STK33: variants seen among roughly 807,000 people sequenced by gnomAD.
STK33 encodes serine/threonine kinase 33, also known as serine/threonine-protein kinase 33.
Under a neutral mutation model 58.0 loss-of-function variants are expected in STK33, and 52 were observed. The ratio of observed to expected loss-of-function variants is 0.90; its 90% confidence interval spans 0.72 to 1.13. STK33 has a LOEUF of 1.13. STK33 is among the 50% of genes most tolerant of loss of function. The probability of loss-of-function intolerance (pLI) is 0.00; values close to 1 mark genes in which losing one functional copy is unlikely to be tolerated. For missense variants in STK33, 630 were observed against 604.2 expected (o/e 1.04, Z -0.45); for synonymous variants, 215 against 200.1 (o/e 1.07, Z -0.63).
chr11:8,352,490 G>C, the STK33 span, among the ~76,000 whole-genome samples: 1 of 152,272 alleles, frequency 6.6e-6, no homozygotes, highest in Non-Finnish European at 1.5e-5. Context: ...GAGAGACCAG[G>C]TGCTCCAGGG....
chr11:8,354,516 A>ACC, the STK33 span, among the ~76,000 whole-genome samples: 3 of 127,768 alleles, frequency 2.3e-5, no homozygotes, highest in South Asian at 2.6e-4. Context: ...ACACACACAC[A>ACC]CCCCTCAGAC....
the STK33 span, among the ~76,000 whole-genome samples, chr11:8,349,117 G>A: frequency 4.6e-5 from 7 of 152,204 alleles, no homozygotes; most frequent in African/African-American, 9.6e-5. Context: ...CTGATCCCAC[G>A]GGTCATTTCC....
intron 14 of STK33, among the ~76,000 whole-genome samples, chr11:8,430,132 A>G (rs1179188487): frequency 6.6e-6 from 1 of 152,160 alleles, no homozygotes; most frequent in Non-Finnish European, 1.5e-5. Context: ...TCTAGAACAA[A>G]ATAGCTCTAA....
chr11:8,442,030 TACAC>T (rs55646106), intron 11 of STK33, among the ~76,000 whole-genome samples: 20,557 of 143,260 alleles, frequency 0.14, 1,635 homozygotes, highest in African/African-American at 0.23. Flanking sequence ...TACCTACACC[TACAC>T]ACACACACAC....
At chr11:8,522,039 T>C (rs1022858287) in intron 1 of STK33, among the ~76,000 whole-genome samples, 1 of 152,192 alleles carries the variant, frequency 6.6e-6, no homozygotes, top group African/African-American at 2.4e-5. Context: ...GACTGCACAC[T>C]AGCTCAACCA....
rs753337260 is a variant in STK33 at position 8,562,738 on chromosome 11, T to C, written c.-466+31345A>G. Among the ~76,000 whole-genome samples, 56 of 152,178 alleles carry C rather than the reference T, an allele frequency of 3.7e-4. 2 individuals carry two copies. The highest frequency in any genetic ancestry group is 1.5e-4 in the Non-Finnish European group (10 of 68,032). On this transcript the variant is annotated intron_variant, in intron 1 of 15. Transcript: ENST00000687296. ...CATTCTTAGAAGTAATAGTTACTAT[T>C]ACAATTCTACTTTGGAAAACTTAAA...
chr11:8,569,406 A>T (rs116562215), intron 1 of STK33, among the ~76,000 whole-genome samples: 1,870 of 152,342 alleles, frequency 0.012, 39 homozygotes, highest in African/African-American at 0.043. Flanking sequence ...CTGTATATCC[A>T]TAAGGGAAAA....
intron 1 of STK33, among the ~76,000 whole-genome samples, chr11:8,571,106 A>T (rs1269570642): frequency 6.6e-6 from 1 of 152,190 alleles, no homozygotes. Context: ...ACATAGAAGC[A>T]GTTTCCAGAA....
At chr11:8,554,159 C>T (rs918775434) in intron 1 of STK33, among the ~76,000 whole-genome samples, 2 of 152,098 alleles carry the variant, frequency 1.3e-5, no homozygotes, top group African/African-American at 2.4e-5. Context: ...GTGGCTCACA[C>T]CTGTAATCCC....
chr11:8,385,015 G>T, the STK33 span, among the ~76,000 whole-genome samples: 1 of 152,170 alleles, frequency 6.6e-6, no homozygotes, highest in Non-Finnish European at 1.5e-5. Flanking sequence ...CCCAGGCCTG[G>T]CCTTCCCCAG....
chr11:8,396,960 C>A (rs1442010497), intron 15 of STK33, among the ~76,000 whole-genome samples: 4 of 152,202 alleles, frequency 2.6e-5, no homozygotes, highest in Non-Finnish European at 5.9e-5. Flanking sequence ...AACAAAGTGG[C>A]CAGGAAGCTC....
chr11:8,397,319 T>C (rs986570691), intron 15 of STK33, among the ~76,000 whole-genome samples: 2 of 152,240 alleles, frequency 1.3e-5, no homozygotes, highest in Non-Finnish European at 2.9e-5. Context: ...TCCGCTGTTC[T>C]GCAGCCTCCG....
intron 15 of STK33, among the ~76,000 whole-genome samples, chr11:8,395,535 T>C (rs1849184775): frequency 6.6e-6 from 1 of 152,246 alleles, no homozygotes; most frequent in Admixed American, 6.5e-5. Context: ...TTCTTCCTGC[T>C]TTTTATACAA....
At chr11:8,336,255 G>A in the STK33 span, among the ~76,000 whole-genome samples, 21,231 of 152,290 alleles carry the variant, frequency 0.14, 2,047 homozygotes, top group African/African-American at 0.26. Context: ...TGGAGACAAC[G>A]ACAGCACCTG....
chr11:8,563,414 C>T (rs1414321788), intron 1 of STK33, among the ~76,000 whole-genome samples: 3 of 152,152 alleles, frequency 2.0e-5, no homozygotes, highest in African/African-American at 7.2e-5. Flanking sequence ...AGCCTATAAC[C>T]ACCATGACAC....
At chr11:8,514,598 C>T (rs1435243279) in intron 1 of STK33, among the ~76,000 whole-genome samples, 12 of 152,176 alleles carry the variant, frequency 7.9e-5, no homozygotes, top group Non-Finnish European at 1.8e-4. Context: ...TGAGGTAGAA[C>T]TCTGAAGGAC....
intron 1 of STK33, among the ~76,000 whole-genome samples, chr11:8,523,977 A>T (rs1160097095): frequency 6.6e-6 from 1 of 152,228 alleles, no homozygotes; most frequent in Non-Finnish European, 1.5e-5. Context: ...ACTAAGAAAA[A>T]TTCTTCTGCC....
chr11:8,473,308 ACTTT>A, intron 5 of STK33, 32 bp from the exon 6 acceptor site: 3 of 1,290,032 alleles, frequency 2.3e-6, no homozygotes, highest in Non-Finnish European at 3.3e-6. Flanking sequence ...AAAAAAAAAA[ACTTT>A]AAGATGTAAT....
At chr11:8,525,973 G>A (rs1953984951) in intron 1 of STK33, among the ~76,000 whole-genome samples, 1 of 152,150 alleles carries the variant, frequency 6.6e-6, no homozygotes, top group South Asian at 2.1e-4. Flanking sequence ...TTAGCAGTCA[G>A]GGAAAAGCAT....
Sources: allele counts gnomAD v4.1 joint callset (sites outside exome capture counted in the v4.1 genomes callset), GRCh38; gene constraint gnomAD v4.1.1; transcripts MANE v1.5; gene names NCBI Gene and HGNC (gene_info 2026-07-23, HGNC 2026-07-21).